Variants in MYRIP observed in about 807,000 individuals in gnomAD.
MYRIP encodes myosin VIIA and Rab interacting protein, also known as rab effector MyRIP.
MYRIP carries 49 observed loss-of-function variants against 98.0 expected under a neutral mutation model. The observed-to-expected ratio is 0.50, with a 90% CI of 0.40 to 0.63. The LOEUF (loss-of-function observed/expected upper bound fraction) is 0.63. Ranked by LOEUF, MYRIP falls within the 30% of genes least tolerant of loss-of-function variation. MYRIP has a pLI of 0.00. For synonymous variants in MYRIP, 404 were observed against 409.5 expected (o/e 0.99, Z 0.16); for missense variants, 1,004 against 1,058.2 (o/e 0.95, Z 0.71).
At chr3:39,996,154 A>C (rs1946348329) in intron 2 of MYRIP, among the ~76,000 whole-genome samples, 1 of 152,210 alleles carries the variant, frequency 6.6e-6, no homozygotes, top group African/African-American at 2.4e-5. Flanking sequence ...CTAACATCAT[A>C]ATGACAGGAT....
At chr3:39,887,829 G>T (rs1481302058) in intron 1 of MYRIP, among the ~76,000 whole-genome samples, 1 of 152,130 alleles carries the variant, frequency 6.6e-6, no homozygotes, top group Non-Finnish European at 1.5e-5. Flanking sequence ...CTTCAGCAAA[G>T]TGTCAGGATA....
At chr3:39,875,055 C>A (rs145426705) in intron 1 of MYRIP, among the ~76,000 whole-genome samples, 6,068 of 152,198 alleles carry the variant, frequency 0.04, 301 homozygotes, top group East Asian at 0.13. Flanking sequence ...CAACTTCTTC[C>A]TGGTTTAGTC....
At chr3:39,933,183 C>T (rs780766803) in intron 2 of MYRIP, among the ~76,000 whole-genome samples, 1 of 152,162 alleles carries the variant, frequency 6.6e-6, no homozygotes, top group Non-Finnish European at 1.5e-5. Context: ...AAGATACATA[C>T]TCATGGGCCA....
At chr3:40,066,711 T>C (rs1052854147) in intron 3 of MYRIP, among the ~76,000 whole-genome samples, 2 of 152,178 alleles carry the variant, frequency 1.3e-5, no homozygotes, top group Non-Finnish European at 2.9e-5. Flanking sequence ...TCCAAGTAAT[T>C]TACAGTTAAT....
chr3:40,217,742 C>T (rs567208124), intron 11 of MYRIP, among the ~76,000 whole-genome samples: 1 of 152,222 alleles, frequency 6.6e-6, no homozygotes, highest in Admixed American at 6.5e-5. Flanking sequence ...TCACAGATTG[C>T]ATGAAGCCCA....
chr3:39,940,478 G>T (rs1575398267), intron 2 of MYRIP, among the ~76,000 whole-genome samples: 1 of 152,046 alleles, frequency 6.6e-6, no homozygotes, highest in East Asian at 1.9e-4. Flanking sequence ...GAAGAATTTT[G>T]AATGTTGTAC....
chr3:40,235,448 TA>T (rs1252806867), intron 12 of MYRIP, among the ~76,000 whole-genome samples: 1 of 152,246 alleles, frequency 6.6e-6, no homozygotes, highest in Non-Finnish European at 1.5e-5. Flanking sequence ...TAAAATTCAC[TA>T]AAGAATGGGT....
intron 11 of MYRIP, among the ~76,000 whole-genome samples, chr3:40,224,075 T>C (rs1952419159): frequency 1.3e-5 from 2 of 152,016 alleles, no homozygotes. Flanking sequence ...CCAAGGTGGC[T>C]AGAGCAATGT....
chr3:39,910,611 A>T (rs375392616), intron 2 of MYRIP, among the ~76,000 whole-genome samples: 2 of 152,264 alleles, frequency 1.3e-5, no homozygotes, highest in Non-Finnish European at 2.9e-5. Flanking sequence ...GATCAAGTAT[A>T]AAAAATGTAA....
At chr3:39,932,368 CT>C (rs11371199) in intron 2 of MYRIP, among the ~76,000 whole-genome samples, 6 of 148,994 alleles carry the variant, frequency 4.0e-5, no homozygotes, top group South Asian at 2.2e-4. Context: ...CAAAATGAGT[CT>C]TTTTTTTTTG....
chr3:40,071,976 A>C (rs1213924028), intron 3 of MYRIP, among the ~76,000 whole-genome samples: 2 of 152,124 alleles, frequency 1.3e-5, no homozygotes, highest in African/African-American at 2.4e-5. Context: ...TCTCTGCTAG[A>C]CAAACACAAA....
chr3:40,111,727 C>G (rs1949161637), intron 3 of MYRIP, among the ~76,000 whole-genome samples: 1 of 151,942 alleles, frequency 6.6e-6, no homozygotes, highest in South Asian at 2.1e-4. Context: ...ATTGGAGATC[C>G]CTGTAGATTT....
At chr3:40,233,747 GAA>G (rs761547167) in intron 11 of MYRIP, 110 bp from the exon 12 acceptor site, 3 of 998,148 alleles carry the variant, frequency 3.0e-6, no homozygotes, top group Non-Finnish European at 4.5e-6. Flanking sequence ...TTTGTGTGTG[GAA>G]TTACAGAATC....
At chr3:39,965,300 T>G (rs1945414193) in intron 2 of MYRIP, among the ~76,000 whole-genome samples, 1 of 152,120 alleles carries the variant, frequency 6.6e-6, no homozygotes, top group Non-Finnish European at 1.5e-5. Context: ...CTGGTAGCCA[T>G]GTAACTCTGA....
At chr3:39,981,240 G>A (rs1945886940) in intron 2 of MYRIP, among the ~76,000 whole-genome samples, 1 of 152,090 alleles carries the variant, frequency 6.6e-6, no homozygotes, top group South Asian at 2.1e-4. Flanking sequence ...GATTCTTTGA[G>A]GCCAATCTGG....
At chr3:39,881,879 C>T (rs1485213119) in intron 1 of MYRIP, among the ~76,000 whole-genome samples, 1 of 151,916 alleles carries the variant, frequency 6.6e-6, no homozygotes, top group South Asian at 2.1e-4. Context: ...ATTTTGTTGA[C>T]ATTCTTCTTC....
intron 2 of MYRIP, among the ~76,000 whole-genome samples, chr3:40,028,501 A>G (rs1388039065): frequency 2.0e-5 from 3 of 152,184 alleles, no homozygotes; most frequent in Non-Finnish European, 4.4e-5. Flanking sequence ...TTCTAATCCA[A>G]TGGAAAGACT....
intron 2 of MYRIP, among the ~76,000 whole-genome samples, chr3:40,007,355 AC>A (rs1344324207): frequency 6.8e-6 from 1 of 147,564 alleles, no homozygotes; most frequent in East Asian, 2.0e-4. Context: ...AAAAAAAAAA[AC>A]CACACATGGA....
At chr3:39,903,503 C>T (rs1559516415) in intron 2 of MYRIP, among the ~76,000 whole-genome samples, 1 of 152,084 alleles carries the variant, frequency 6.6e-6, no homozygotes, top group African/African-American at 2.4e-5. Flanking sequence ...ATCTGTTCTT[C>T]AGTTCAGACG....
Sources: gnomAD v4.1 joint callset for allele counts (sites outside exome capture counted in the v4.1 genomes callset) on GRCh38, gnomAD v4.1.1 for gene constraint, MANE v1.5 for transcripts, NCBI Gene and HGNC (gene_info 2026-07-23, HGNC 2026-07-21) for gene names.